SPINK8: variants seen among roughly 807,000 people sequenced by gnomAD.
The protein encoded by SPINK8 is serine protease inhibitor Kazal-type 8.
In SPINK8, 12 loss-of-function variants were observed where a neutral mutation model predicts 14.4. That is an observed-to-expected ratio of 0.83 (90% confidence interval 0.53 to 1.35). The LOEUF (loss-of-function observed/expected upper bound fraction) is 1.35, where lower values mean the gene tolerates loss of function less well. SPINK8 is among the 40% of genes most tolerant of loss of function. SPINK8 has a pLI of 0.00. For missense variants in SPINK8, 103 were observed against 117.0 expected, an observed-to-expected ratio of 0.88 and a Z score of 0.55; for synonymous variants, 32 against 37.6, an observed-to-expected ratio of 0.85 and a Z score of 0.55.
chr3:48,312,859 G>T (rs1049037141), intron 6 of SPINK8, among the ~76,000 whole-genome samples: 1 of 151,564 alleles, frequency 6.6e-6, no homozygotes, highest in Non-Finnish European at 1.5e-5. Context: ...TTAGCTGGGC[G>T]TGGTGGTGCA....
chr3:48,317,748 C>T (rs906696208), intron 6 of SPINK8, among the ~76,000 whole-genome samples: 2 of 151,354 alleles, frequency 1.3e-5, no homozygotes, highest in Non-Finnish European at 2.9e-5. Flanking sequence ...ATCTCCTGAC[C>T]TCCTGATCTG....
At chr3:48,314,474 A>G (rs2107087560) in intron 6 of SPINK8, among the ~76,000 whole-genome samples, 1 of 152,280 alleles carries the variant, frequency 6.6e-6, no homozygotes, top group South Asian at 2.1e-4. Context: ...GTTCCATGGT[A>G]GTAATGAAAA....
chr3:48,315,981 G>C (rs770994211), intron 6 of SPINK8, among the ~76,000 whole-genome samples: 2 of 151,944 alleles, frequency 1.3e-5, no homozygotes, highest in Non-Finnish European at 2.9e-5. Context: ...CCAATGAATA[G>C]TAACCAGTTT....
rs1293255916 is a variant in SPINK8, at chr3:48,320,624, G to A, written c.117+401C>T. On this transcript the variant is annotated intron_variant, in intron 5 of 7. Transcript: ENST00000434006. ...CAGGGGCTGAAACTTGTCACAGCAG[G>A]TTGAAGGCACCAAAGGAAGGAGATG... 2.0e-5 allele frequency among the ~76,000 whole-genome samples: 3 copies of A among 152,292 alleles called. No individual in the cohort carries two copies. In the South Asian group the frequency reaches 6.2e-4, roughly 32 times the overall value.
chr3:48,314,575 C>T (rs1316572712), intron 6 of SPINK8, among the ~76,000 whole-genome samples: 2 of 152,046 alleles, frequency 1.3e-5, no homozygotes, highest in Admixed American at 6.5e-5. Flanking sequence ...GCACCATTAC[C>T]AGAGAATTGT....
intron 4 of SPINK8, among the ~76,000 whole-genome samples, chr3:48,321,564 G>A (rs906242293): frequency 6.7e-6 from 1 of 150,246 alleles, no homozygotes; most frequent in Middle Eastern, 3.5e-3. Flanking sequence ...AGCTTTCTTG[G>A]GTATAATTCA....
At chr3:48,330,762 C>T (rs1362905511) in intron 2 of SPINK8, among the ~76,000 whole-genome samples, 3 of 151,584 alleles carry the variant, frequency 2.0e-5, no homozygotes, top group Non-Finnish European at 4.4e-5. Flanking sequence ...AGTTACAAGC[C>T]CCTGTTTAAA....
chr3:48,319,653 T>A (rs2036043841), intron 5 of SPINK8, 35 bp from the exon 6 acceptor site: 1 of 1,612,948 alleles, frequency 6.2e-7, no homozygotes. Flanking sequence ...CTTCAGACAC[T>A]TTCATCCAGG....
At chr3:48,319,909 C>T (rs976684692) in intron 5 of SPINK8, among the ~76,000 whole-genome samples, 7 of 151,834 alleles carry the variant, frequency 4.6e-5, no homozygotes, top group African/African-American at 7.3e-5. Flanking sequence ...TTTGGGAGTC[C>T]GAGGTGGGTG....
Position 48,315,675 on chromosome 3 carries a change from C to CATGCCACTG in SPINK8, c.239+3813_239+3821dup, listed in dbSNP as rs796472874. Reference sequence around the variant, plus strand: ...GGCAGAGGTTGCAGTGAGCCGAGATCATGCCACTGCACTCCAGCCTGGGTA... The same window carrying CATGCCACTG: ...GGCAGAGGTTGCAGTGAGCCGAGATCATGCCACTGATGCCACTGCACTCCAGCCTGGGTA... On this transcript the variant is annotated intron_variant, in intron 6 of 7. Transcript: ENST00000434006. Among the ~76,000 whole-genome samples the CATGCCACTG allele has an allele frequency of 8.0e-5, 10 of 125,664 alleles. No individual in the cohort carries two copies. In the East Asian group the frequency reaches 2.3e-3, roughly 28 times the overall value. 82.4% of individuals were successfully genotyped at this position (125,664 alleles called of 152,430 possible).
Position 48,319,506 on chromosome 3 carries a change from G to T in SPINK8, c.230C>A (p.Ser77Tyr). ...VTYSSDCHLC[S>Y]KILFEGLNIT... ...CAAAATTAGGACTTACAGAATTTTG[G>T]AGCACAGATGGCAGTCACTACTGTA... Residue 77 changes from serine (S) to tyrosine (Y), a missense_variant, in exon 6 of 8, where the codon TCC (serine) becomes TAC (tyrosine). Transcript: ENST00000434006. 1.2e-6 allele frequency: 2 copies of T among 1,613,908 alleles called. No individual in the cohort carries two copies. Among genetic ancestry groups the T allele is most frequent in the Non-Finnish European group, 1.7e-6 (2 of 1,179,842 alleles).
intron 2 of SPINK8, among the ~76,000 whole-genome samples, chr3:48,331,325 G>C (rs2036257430): frequency 6.6e-6 from 1 of 152,132 alleles, no homozygotes. Flanking sequence ...CCTATACTAG[G>C]GGGTCCTTCT....
chr3:48,318,226 C>T (rs1023292634), intron 6 of SPINK8, among the ~76,000 whole-genome samples: 42 of 152,196 alleles, frequency 2.8e-4, no homozygotes, highest in African/African-American at 9.4e-4. Context: ...CTGCAACCTC[C>T]GCCTCCTGGG....
Position 48,319,494 on chromosome 3 carries a change from TACAGA to T in SPINK8, c.237_239+2del, listed in dbSNP as rs2036039958. On this transcript the variant is annotated splice_donor_variant and coding_sequence_variant, in exon 6 of 8. Coordinates refer to ENST00000434006, the MANE Select transcript of SPINK8 (RefSeq NM_001080525.3). LOFTEE classifies it high-confidence loss of function. ...AGAAAGGGAGAACAAAATTAGGACT[TACAGA>T]ATTTTGGAGCACAGATGGCAGTCAC... is the stretch of plus-strand genomic sequence containing the variant. 2 of 1,613,878 alleles carry T rather than the reference TACAGA, an allele frequency of 1.2e-6. No homozygotes were observed. Among genetic ancestry groups the T allele is most frequent in the Non-Finnish European group, 1.7e-6 (2 of 1,179,824 alleles).
At chr3:48,321,869 T>C (rs1230901587) in intron 4 of SPINK8, among the ~76,000 whole-genome samples, 6 of 151,704 alleles carry the variant, frequency 4.0e-5, no homozygotes, top group Non-Finnish European at 4.4e-5. Context: ...CTGGAGTGCA[T>C]TGACACGATA....
chr3:48,307,048 T>A, intron 7 of SPINK8, 45 bp from the exon 8 acceptor site: 1 of 1,602,180 alleles, frequency 6.2e-7, no homozygotes, highest in Non-Finnish European at 8.5e-7. Flanking sequence ...TTGAGGAAGT[T>A]AAGAGAAAAG....
intron 5 of SPINK8, 101 bp downstream of exon 5, chr3:48,320,924 C>T: frequency 1.7e-6 from 2 of 1,153,306 alleles, no homozygotes; most frequent in South Asian, 2.9e-5. Context: ...CCCATGCAAG[C>T]CCCCTCCACT....
rs190704117 is a variant in SPINK8 at position 48,319,537 on chromosome 3, C to A, written c.199G>T (p.Val67Phe). 11 of 1,613,828 alleles carry A rather than the reference C, an allele frequency of 6.8e-6. No individual in the cohort carries two copies. The East Asian group carries it at 2.2e-4, about 33-fold the overall frequency. The change falls in exon 6 of 8, where the codon GTT (valine) becomes TTT (phenylalanine). Residue 67 changes from valine to phenylalanine, a missense_variant. Coordinates refer to ENST00000434006, the MANE Select transcript of SPINK8 (RefSeq NM_001080525.3). ...AGATGGCAGTCACTACTGTAGGTAA[C>A]CTGGTCACTGCCACAAATAGGTTCA... ...PSEPICGSDQ[V>F]TYSSDCHLCS...
chr3:48,323,595 T>C (rs2036103374), intron 4 of SPINK8, among the ~76,000 whole-genome samples: 2 of 152,258 alleles, frequency 1.3e-5, no homozygotes, highest in Admixed American at 1.3e-4. Flanking sequence ...AGTTCTGTGA[T>C]CCATGTTGAG....
Sources: gnomAD v4.1 joint callset for allele counts (sites outside exome capture counted in the v4.1 genomes callset) on GRCh38, gnomAD v4.1.1 for gene constraint, MANE v1.5 for transcripts, NCBI Gene and HGNC (gene_info 2026-07-23, HGNC 2026-07-21) for gene names.